Variants in P2RY14 observed in about 807,000 individuals in gnomAD.
The protein encoded by P2RY14 is purinergic receptor P2Y14.
P2RY14 carries 2 observed loss-of-function variants against 0.9 expected under a neutral mutation model. The observed-to-expected ratio is 2.16, with a 90% CI of 0.88 to 6.79. P2RY14 has a LOEUF of 6.79. Among genes scored for constraint, P2RY14 ranks in the 30% most tolerant of loss-of-function variants. The probability of loss-of-function intolerance (pLI) is 0.05; values close to 1 mark genes in which losing one functional copy is unlikely to be tolerated. For synonymous variants in P2RY14, 158 were observed against 147.2 expected, an observed-to-expected ratio of 1.07 and a Z score of -0.53; for missense variants, 378 against 400.1, an observed-to-expected ratio of 0.94 and a Z score of 0.47.
In P2RY14 at chr3:151,214,155, C is replaced by G. The variant is rs774754091; in HGVS notation, c.162G>C (p.Lys54Asn). 5 of 1,614,158 alleles carry G rather than the reference C, an allele frequency of 3.1e-6. No homozygotes were observed. Among genetic ancestry groups the G allele is most frequent in the Admixed American group, 1.7e-5 (1 of 60,024 alleles). The change falls in exon 3 of 3, where the codon AAG becomes AAC. Residue 54 changes from lysine to asparagine, a missense_variant. Coordinates refer to ENST00000309170, the MANE Select transcript of P2RY14 (RefSeq NM_014879.4). The stretch of plus-strand genomic sequence containing the variant: ...TGTTCTTGAGATAGATGATGAAACT[C>G]TTAGAGCTGGGCACGTAAAAGAATA... ...GWIFFYVPSS[K>N]SFIIYLKNIV...
chr3:151,228,448 T>C (rs1211807662), intron 1 of P2RY14, among the ~76,000 whole-genome samples: 5 of 152,078 alleles, frequency 3.3e-5, no homozygotes, highest in African/African-American at 1.2e-4. Context: ...ATCAGGCTCC[T>C]GACAGTTTCC....
intron 1 of P2RY14, among the ~76,000 whole-genome samples, chr3:151,221,608 G>A (rs1392592784): frequency 6.6e-6 from 1 of 152,204 alleles, no homozygotes; most frequent in African/African-American, 2.4e-5. Flanking sequence ...GAGGGTGCAA[G>A]CCTCAAGCCT....
chr3:151,229,233 A>G (rs988243827), intron 1 of P2RY14, among the ~76,000 whole-genome samples: 5 of 151,754 alleles, frequency 3.3e-5, no homozygotes, highest in African/African-American at 1.2e-4. Context: ...TGTTTTGTGT[A>G]TTAATCCCTG....
At chr3:151,269,670 T>C (rs768034328) in intron 1 of P2RY14, 7 of 415,502 alleles carry the variant, frequency 1.7e-5, no homozygotes, top group African/African-American at 4.2e-5. Context: ...TTTGGAGGTA[T>C]TAAATCAGGT....
intron 2 of P2RY14, among the ~76,000 whole-genome samples, chr3:151,215,708 A>G (rs533732675): frequency 2.6e-5 from 4 of 152,208 alleles, no homozygotes; most frequent in Non-Finnish European, 5.9e-5. Flanking sequence ...ATATGTGAAC[A>G]GTACCAATTA....
At chr3:151,250,892 C>T (rs1486976799) in intron 1 of P2RY14, among the ~76,000 whole-genome samples, 1 of 152,196 alleles carries the variant, frequency 6.6e-6, no homozygotes, top group Non-Finnish European at 1.5e-5. Flanking sequence ...CAACAGTGCA[C>T]AAAGGTGTCA....
chr3:151,267,956 A>C (rs980134214), intron 1 of P2RY14, among the ~76,000 whole-genome samples: 1 of 152,180 alleles, frequency 6.6e-6, no homozygotes, highest in Non-Finnish European at 1.5e-5. Context: ...CTATTATCCT[A>C]ATTTATGAAT....
intron 1 of P2RY14, among the ~76,000 whole-genome samples, chr3:151,252,773 T>G (rs1409662852): frequency 6.6e-6 from 1 of 152,196 alleles, no homozygotes; most frequent in Non-Finnish European, 1.5e-5. Context: ...ATCTACTAAC[T>G]TATCTACTAA....
chr3:151,213,290 G>C lies in P2RY14; in HGVS notation c.*10C>G, dbSNP rs191787749. ...GCACACGTGGTCTTTCTTTGGAAGAGGGTAGGAACTCACAAAGTATCTGTG... is the reference window on the plus strand; with the variant it reads ...GCACACGTGGTCTTTCTTTGGAAGACGGTAGGAACTCACAAAGTATCTGTG... On this transcript the variant is annotated 3_prime_UTR_variant, in exon 3 of 3. Transcript: ENST00000309170. 5.0e-6 allele frequency: 8 copies of C among 1,584,342 alleles called. No homozygotes were observed. The African/African-American group carries it at 8.1e-5, about 16-fold the overall frequency.
At chr3:151,223,648 G>C (rs1729867692) in intron 1 of P2RY14, among the ~76,000 whole-genome samples, 1 of 152,142 alleles carries the variant, frequency 6.6e-6, no homozygotes, top group Non-Finnish European at 1.5e-5. Context: ...GATACACATG[G>C]ACACAAAGAT....
intron 1 of P2RY14, among the ~76,000 whole-genome samples, chr3:151,272,778 T>C (rs1741196504): frequency 6.6e-6 from 1 of 152,158 alleles, no homozygotes; most frequent in South Asian, 2.1e-4. Flanking sequence ...GGCTATAATG[T>C]TTTGACTCTC....
chr3:151,263,792 T>A (rs747576410), intron 1 of P2RY14, among the ~76,000 whole-genome samples: 16 of 152,208 alleles, frequency 1.1e-4, no homozygotes, highest in Non-Finnish European at 1.9e-4. Flanking sequence ...TCTGTGACTC[T>A]TGGTAAAATA....
chr3:151,256,764 G>A (rs1401392730), intron 1 of P2RY14, among the ~76,000 whole-genome samples: 2 of 149,060 alleles, frequency 1.3e-5, no homozygotes, highest in African/African-American at 4.9e-5. Context: ...TACAAGCAGA[G>A]CATTTTGTTA....
chr3:151,219,169 A>G (rs778870111), intron 2 of P2RY14, among the ~76,000 whole-genome samples: 1 of 152,218 alleles, frequency 6.6e-6, no homozygotes, highest in African/African-American at 2.4e-5. Flanking sequence ...TAGTGAGTGC[A>G]CTTGTCCCTT....
intron 1 of P2RY14, among the ~76,000 whole-genome samples, chr3:151,222,204 C>T (rs898089013): frequency 6.6e-6 from 1 of 152,202 alleles, no homozygotes; most frequent in Non-Finnish European, 1.5e-5. Context: ...AACTAACTTG[C>T]TTTAGATTTT....
chr3:151,255,723 T>C (rs1737694751), intron 1 of P2RY14, among the ~76,000 whole-genome samples: 1 of 152,178 alleles, frequency 6.6e-6, no homozygotes, highest in Non-Finnish European at 1.5e-5. Context: ...TACTCCAGCA[T>C]AGAGACAAAG....
At position 151,214,247 on chromosome 3, in the gene P2RY14, TCTG is replaced by T. The variant is rs1205915602; in HGVS notation, c.67_69del (p.Gln23del). ...ACCATACAGTACAGCACAGGAATGA[TCTG>T]CTGAGTGATCAGGAGGTTCTGAGAG... On this transcript the variant is annotated inframe_deletion, in exon 3 of 3. Coordinates refer to ENST00000309170, the MANE Select transcript of P2RY14 (RefSeq NM_014879.4). The T allele has an allele frequency of 1.9e-5, 30 of 1,614,052 alleles. No individual in the cohort carries two copies. Among genetic ancestry groups the T allele is most frequent in the Non-Finnish European group, 2.5e-5 (29 of 1,179,940 alleles).
At chr3:151,258,039 A>C (rs777969222) in intron 1 of P2RY14, among the ~76,000 whole-genome samples, 4 of 152,168 alleles carry the variant, frequency 2.6e-5, no homozygotes, top group Non-Finnish European at 4.4e-5. Flanking sequence ...TATTTTTGAT[A>C]TTCCTGATTA....
At chr3:151,273,566 G>T (rs1035157353) in intron 1 of P2RY14, among the ~76,000 whole-genome samples, 10 of 151,926 alleles carry the variant, frequency 6.6e-5, no homozygotes, top group Non-Finnish European at 1.3e-4. Context: ...GCCAATTACT[G>T]TTCTGGGTAA....
Sources: gnomAD v4.1 joint callset for allele counts (sites outside exome capture counted in the v4.1 genomes callset) on GRCh38, gnomAD v4.1.1 for gene constraint, MANE v1.5 for transcripts, NCBI Gene and HGNC (gene_info 2026-07-23, HGNC 2026-07-21) for gene names.